The following SYT1 variants were observed in gnomAD, a reference collection of about 807,000 sequenced individuals.
SYT1 encodes synaptotagmin-1.
A neutral mutation model predicts 44.8 loss-of-function variants in SYT1; 8 were observed. The ratio of observed to expected loss-of-function variants is 0.18; its 90% CI spans 0.10 to 0.32. The LOEUF is 0.32. Ranked by LOEUF, SYT1 falls within the 10% of genes least tolerant of loss-of-function variation. SYT1 has a pLI of 1.00. For synonymous variants in SYT1, 154 were observed against 188.8 expected (o/e 0.82, Z 1.51); for missense variants, 286 against 509.3 (o/e 0.56, Z 4.22).
intron 9 of SYT1, among the ~76,000 whole-genome samples, chr12:79,356,668 G>T (rs1392428613): frequency 6.6e-6 from 1 of 152,132 alleles, no homozygotes; most frequent in African/African-American, 2.4e-5. Context: ...GGGTTGTTTT[G>T]CCAGAGTTTA....
Position 79,450,933 on chromosome 12 carries a change from C to T in SYT1, c.*1809C>T, listed in dbSNP as rs1166476334. The T allele has an allele frequency of 2.6e-5, 4 of 152,588 alleles. No individual in the cohort carries two copies. Among genetic ancestry groups the T allele is most frequent in the Non-Finnish European group, 5.9e-5 (4 of 68,026 alleles). The allele number at this position is 152,588 out of a possible 1,614,324, so 9.5% of individuals were successfully genotyped here. ...TCTGTGATCCATTTTAATTTCCAGG[C>T]CACAAGACAGTAGTGATGCTCTGAA... On this transcript the variant is annotated 3_prime_UTR_variant, in exon 11 of 11. Coordinates refer to ENST00000261205, the MANE Select transcript of SYT1 (RefSeq NM_005639.3).
intron 3 of SYT1, among the ~76,000 whole-genome samples, chr12:79,092,901 AGGAAATGTGTTGTG>A (rs1416563953): frequency 1.3e-5 from 2 of 151,812 alleles, no homozygotes; most frequent in Admixed American, 1.3e-4. Context: ...GTCATTGACA[AGGAAATGTGTTGTG>A]GCACACAACG....
intron 3 of SYT1, among the ~76,000 whole-genome samples, chr12:79,075,308 A>G (rs972066357): frequency 2.6e-5 from 4 of 151,960 alleles, no homozygotes; most frequent in Non-Finnish European, 5.9e-5. Flanking sequence ...TGAGGCTTTC[A>G]CCTTATACTC....
At chr12:79,388,476 C>A (rs1037309006) in intron 9 of SYT1, among the ~76,000 whole-genome samples, 3 of 152,002 alleles carry the variant, frequency 2.0e-5, no homozygotes, top group African/African-American at 7.3e-5. Flanking sequence ...GGGTGGACAA[C>A]CTGAGTCCAG....
chr12:79,144,348 G>A (rs1869744243), intron 3 of SYT1, among the ~76,000 whole-genome samples: 1 of 152,174 alleles, frequency 6.6e-6, no homozygotes, highest in Non-Finnish European at 1.5e-5. Flanking sequence ...AGAGCTATCA[G>A]TCCCAGGGCT....
chr12:79,217,692 A>G lies in SYT1; in HGVS notation c.166+7A>G. 1 of 1,610,476 alleles carries G rather than the reference A, an allele frequency of 6.2e-7. No individual in the cohort carries two copies. The highest frequency in any genetic ancestry group is 8.5e-7 in the Non-Finnish European group (1 of 1,178,304). On this transcript the variant is annotated splice_region_variant and intron_variant, in intron 4 of 10. Transcript: ENST00000261205. ...GAGTTGCATAAAATTCCATGTGAGTATTCTATATTAGTACTTGAGTAAAAA... is the reference window on the plus strand; with the variant it reads ...GAGTTGCATAAAATTCCATGTGAGTGTTCTATATTAGTACTTGAGTAAAAA...
At chr12:79,412,190 A>G (rs1406696690) in intron 9 of SYT1, among the ~76,000 whole-genome samples, 1 of 152,154 alleles carries the variant, frequency 6.6e-6, no homozygotes, top group Non-Finnish European at 1.5e-5. Flanking sequence ...CCCTTCTGCC[A>G]TGATTCTTCC....
intron 9 of SYT1, among the ~76,000 whole-genome samples, chr12:79,416,861 T>C (rs1868772871): frequency 6.6e-6 from 1 of 152,158 alleles, no homozygotes; most frequent in Admixed American, 6.6e-5. Context: ...TTAAAAATGA[T>C]TGCACTTTCA....
chr12:79,055,499 ATTTAC>A (rs555226981), intron 3 of SYT1, among the ~76,000 whole-genome samples: 37 of 152,078 alleles, frequency 2.4e-4, no homozygotes, highest in Non-Finnish European at 4.4e-4. Context: ...ATTATGATTT[ATTTAC>A]TTGGCTACAC....
At chr12:79,151,701 G>C (rs1268236483) in intron 3 of SYT1, among the ~76,000 whole-genome samples, 1 of 152,102 alleles carries the variant, frequency 6.6e-6, no homozygotes, top group Non-Finnish European at 1.5e-5. Flanking sequence ...AGCTATTTAG[G>C]CTGTAGAATC....
intron 3 of SYT1, among the ~76,000 whole-genome samples, chr12:79,213,813 T>G (rs959602955): frequency 2.6e-5 from 4 of 152,130 alleles, no homozygotes; most frequent in Non-Finnish European, 5.9e-5. Context: ...TAATCCTGAC[T>G]ACTCAGGAGG....
chr12:79,161,897 C>A (rs1870970590), intron 3 of SYT1, among the ~76,000 whole-genome samples: 1 of 152,050 alleles, frequency 6.6e-6, no homozygotes, highest in Non-Finnish European at 1.5e-5. Context: ...ATATGAGAGA[C>A]CCTAGCTGGG....
At chr12:79,156,345 TG>T (rs749633168) in intron 3 of SYT1, among the ~76,000 whole-genome samples, 13 of 152,156 alleles carry the variant, frequency 8.5e-5, no homozygotes, top group African/African-American at 1.2e-4. Context: ...TGTGTATGTG[TG>T]TAACCCTTTA....
intron 1 of SYT1, among the ~76,000 whole-genome samples, chr12:78,928,902 T>C (rs772565607): frequency 3.2e-4 from 49 of 152,158 alleles, no homozygotes; most frequent in Non-Finnish European, 5.9e-4. Context: ...GCTGTATATA[T>C]GTCTGAATCA....
chr12:79,264,324 C>T lies in SYT1; in HGVS notation c.167-21463C>T, dbSNP rs571430391. On this transcript the variant is annotated intron_variant, in intron 4 of 10. Coordinates refer to ENST00000261205, the MANE Select transcript of SYT1 (RefSeq NM_005639.3). Reference sequence around the variant, plus strand: ...CCTCTCGAGTAGCTGGGACTACTGGCGCCCACCACCACACCTGGCTAATTT... The same window carrying T: ...CCTCTCGAGTAGCTGGGACTACTGGTGCCCACCACCACACCTGGCTAATTT... Among the ~76,000 whole-genome samples the T allele has an allele frequency of 3.4e-4, 51 of 151,808 alleles. 1 individual carries two copies. The highest frequency in any genetic ancestry group is 3.0e-3 in the Admixed American group (45 of 15,240).
intron 2 of SYT1, among the ~76,000 whole-genome samples, chr12:79,022,334 G>T (rs765027492): frequency 6.6e-6 from 1 of 151,816 alleles, no homozygotes; most frequent in Non-Finnish European, 1.5e-5. Flanking sequence ...CAACTACATG[G>T]TCTGCTACGT....
chr12:79,259,217 C>T (rs1447663419), intron 4 of SYT1, among the ~76,000 whole-genome samples: 2 of 152,192 alleles, frequency 1.3e-5, no homozygotes, highest in African/African-American at 4.8e-5. Flanking sequence ...AGGAAAAATA[C>T]TTCCTTTGGT....
At chr12:79,419,301 G>A (rs1197810963) in intron 9 of SYT1, 1 of 520,562 alleles carries the variant, frequency 1.9e-6, no homozygotes. Context: ...AATTCCAAAT[G>A]AGCTTAATTT....
intron 8 of SYT1, among the ~76,000 whole-genome samples, chr12:79,337,349 A>G (rs900681756): frequency 5.3e-5 from 8 of 152,160 alleles, no homozygotes; most frequent in Admixed American, 5.2e-4. Context: ...TTGCGTGGCC[A>G]TTCCTATTCC....
Sources: gnomAD v4.1 joint callset for allele counts (sites outside exome capture counted in the v4.1 genomes callset) on GRCh38, gnomAD v4.1.1 for gene constraint, MANE v1.5 for transcripts, NCBI Gene and HGNC (gene_info 2026-07-23, HGNC 2026-07-21) for gene names.